Variants in SOS2 observed in about 807,000 individuals in gnomAD.
SOS2 encodes the protein SOS Ras/Rho guanine nucleotide exchange factor 2, also known as son of sevenless homolog 2.
SOS2 carries 65 observed loss-of-function variants against 148.2 expected under a neutral mutation model. That is an observed-to-expected ratio of 0.44 (90% CI 0.36 to 0.54). The LOEUF (loss-of-function observed/expected upper bound fraction) is 0.54, where lower values mean the gene tolerates loss of function less well. SOS2 is among the 20% of genes least tolerant of loss of function. The pLI is 0.00. For synonymous variants in SOS2, 539 were observed against 537.1 expected (o/e 1.00, Z -0.05); for missense variants, 1,341 against 1,590.2 (o/e 0.84, Z 2.67).
chr14:50,219,740 T>G (rs1049043854), intron 1 of SOS2, among the ~76,000 whole-genome samples: 21 of 152,190 alleles, frequency 1.4e-4, no homozygotes, highest in Non-Finnish European at 2.2e-4. Flanking sequence ...TTCTAAAATA[T>G]AATATTCTAA....
chr14:50,178,803 G>A (rs1350239501), intron 7 of SOS2, among the ~76,000 whole-genome samples: 12 of 150,628 alleles, frequency 8.0e-5, no homozygotes, highest in Non-Finnish European at 1.3e-4. Context: ...GCACGATCTC[G>A]GCTCACTGCA....
intron 1 of SOS2, among the ~76,000 whole-genome samples, chr14:50,224,862 C>T (rs964921264): frequency 4.8e-5 from 5 of 104,696 alleles, no homozygotes; most frequent in Admixed American, 4.6e-4. Context: ...CTCCAGCCTG[C>T]GTAGCAGAGC....
At chr14:50,219,355 T>G (rs921557903) in intron 1 of SOS2, among the ~76,000 whole-genome samples, 4 of 152,142 alleles carry the variant, frequency 2.6e-5, no homozygotes, top group African/African-American at 9.7e-5. Flanking sequence ...TAAAAAGGAA[T>G]GAACTATTGA....
chr14:50,161,525 T>C lies in SOS2; in HGVS notation c.1153A>G (p.Met385Val). The C allele has an allele frequency of 3.7e-6, 6 of 1,613,396 alleles. No homozygotes were observed. Among genetic ancestry groups the C allele is most frequent in the South Asian group, 1.1e-5 (1 of 91,070 alleles). ...GAATACTGCTTGTAAATTCGGTCCA[T>C]GCTACCTTGGAGATTCATGAGAGCA... Reference protein sequence around the residue: ...ITALMNLQGSMDRIYKQYSPR... With the variant: ...ITALMNLQGSVDRIYKQYSPR... Residue 385 changes from methionine (M) to valine (V), a missense_variant, in exon 9 of 23, where the codon ATG becomes GTG. This residue lies in a region of SOS2 where 574 missense variants were observed against 711.1 expected (regional missense o/e 0.81). Transcript: ENST00000216373.
intron 1 of SOS2, among the ~76,000 whole-genome samples, chr14:50,211,607 A>G (rs1886873949): frequency 1.8e-5 from 1 of 54,878 alleles, no homozygotes; most frequent in Admixed American, 2.4e-4. Context: ...TTTATTTTTT[A>G]ATTAATTATT....
At chr14:50,199,562 C>A in intron 4 of SOS2, 129 bp downstream of exon 4, 1 of 487,494 alleles carries the variant, frequency 2.1e-6, no homozygotes, top group Non-Finnish European at 3.5e-6. Flanking sequence ...TCTGTAAAGC[C>A]AGGATTTTTC....
intron 1 of SOS2, among the ~76,000 whole-genome samples, chr14:50,229,503 GAA>G (rs5808545): frequency 1.4e-3 from 190 of 139,420 alleles, no homozygotes; most frequent in Non-Finnish European, 1.5e-3. Flanking sequence ...AGCCTAACTT[GAA>G]AAAAAAAAAA....
intron 1 of SOS2, among the ~76,000 whole-genome samples, chr14:50,227,400 C>T (rs1263062992): frequency 6.6e-6 from 1 of 150,934 alleles, no homozygotes; most frequent in Non-Finnish European, 1.5e-5. Context: ...TGCACCACCA[C>T]ACTTGGCTAA....
At chr14:50,122,140 G>A (rs897388833) in intron 21 of SOS2, among the ~76,000 whole-genome samples, 1 of 152,154 alleles carries the variant, frequency 6.6e-6, no homozygotes, top group Non-Finnish European at 1.5e-5. Flanking sequence ...CTGTAGGCAT[G>A]TAACCTAATT....
chr14:50,230,100 A>T (rs1887494915), intron 1 of SOS2, among the ~76,000 whole-genome samples: 1 of 152,236 alleles, frequency 6.6e-6, no homozygotes, highest in Non-Finnish European at 1.5e-5. Context: ...TCCTTGTAAG[A>T]ATTATGAAAA....
intron 1 of SOS2, among the ~76,000 whole-genome samples, chr14:50,215,026 C>T (rs1280346477): frequency 6.6e-6 from 1 of 151,206 alleles, no homozygotes; most frequent in African/African-American, 2.4e-5. Context: ...TTAGTAGAGA[C>T]GGGGTTTCAC....
intron 1 of SOS2, among the ~76,000 whole-genome samples, chr14:50,227,389 A>G (rs1335928271): frequency 6.7e-6 from 1 of 148,794 alleles, no homozygotes; most frequent in Non-Finnish European, 1.5e-5. Context: ...GATCACAGGC[A>G]TGCACCACCA....
chr14:50,145,639 T>C, intron 14 of SOS2, 43 bp from the exon 15 acceptor site: 2 of 1,286,632 alleles, frequency 1.6e-6, no homozygotes, highest in Non-Finnish European at 2.2e-6. Flanking sequence ...ATAAAGGATT[T>C]GTATTACTTA....
chr14:50,123,919 C>G (rs1309820253), intron 21 of SOS2, among the ~76,000 whole-genome samples: 1 of 152,150 alleles, frequency 6.6e-6, no homozygotes, highest in Non-Finnish European at 1.5e-5. Context: ...TGATAGGTCA[C>G]ATTTGGCGTG....
At chr14:50,178,671 CATATATATATATATAT>C (rs1170021476) in intron 7 of SOS2, among the ~76,000 whole-genome samples, 8 of 14,454 alleles carry the variant, frequency 5.5e-4, no homozygotes, top group South Asian at 9.2e-4. Flanking sequence ...TGTGTGTGTG[CATATATATATATATAT>C]ATATATATAT....
intron 10 of SOS2, 68 bp from the exon 11 acceptor site, chr14:50,158,714 T>C: frequency 1.0e-6 from 1 of 981,028 alleles, no homozygotes; most frequent in African/African-American, 1.6e-5. Flanking sequence ...CAAAGTACCA[T>C]ATTTGGAGGC....
At chr14:50,220,047 C>T (rs1387346826) in intron 1 of SOS2, among the ~76,000 whole-genome samples, 1 of 151,536 alleles carries the variant, frequency 6.6e-6, no homozygotes, top group Admixed American at 6.6e-5. Context: ...TCTCCTCCTC[C>T]TATTTCCCTA....
intron 1 of SOS2, among the ~76,000 whole-genome samples, chr14:50,210,160 T>C (rs55667904): frequency 2.8e-3 from 429 of 152,286 alleles, no homozygotes; most frequent in Admixed American, 5.9e-3. Context: ...TACAAAGCTA[T>C]AGTAATGAAG....
intron 8 of SOS2, among the ~76,000 whole-genome samples, chr14:50,167,339 G>A (rs1296434592): frequency 6.6e-6 from 1 of 151,408 alleles, no homozygotes; most frequent in African/African-American, 2.4e-5. Flanking sequence ...AGCAAGCCTG[G>A]GCAACATGAC....
Sources: allele counts gnomAD v4.1 joint callset (sites outside exome capture counted in the v4.1 genomes callset), GRCh38; gene constraint gnomAD v4.1.1; regional missense constraint gnomAD v4.1.1; transcripts MANE v1.5; gene names NCBI Gene and HGNC (gene_info 2026-07-23, HGNC 2026-07-21).